The following PTK2 variants were observed in gnomAD, a reference collection of about 807,000 sequenced individuals.
PTK2 encodes focal adhesion kinase 1.
Under a neutral mutation model 150.1 loss-of-function variants are expected in PTK2, and 45 were observed. That is an observed-to-expected ratio of 0.30 (90% CI 0.24 to 0.38). The LOEUF (loss-of-function observed/expected upper bound fraction) is 0.38, where lower values mean the gene tolerates loss of function less well. Among genes scored for constraint, PTK2 ranks in the 10% least tolerant of loss-of-function variants. The pLI, the probability that PTK2 is intolerant of heterozygous loss-of-function variation, is 1.00. For missense variants in PTK2, 919 were observed against 1,307.3 expected, an observed-to-expected ratio of 0.70 and a Z score of 4.58; for synonymous variants, 432 against 449.2, an observed-to-expected ratio of 0.96 and a Z score of 0.48.
intron 4 of PTK2, among the ~76,000 whole-genome samples, chr8:140,872,217 G>C (rs1245703535): frequency 6.7e-6 from 1 of 150,052 alleles, no homozygotes; most frequent in Non-Finnish European, 1.5e-5. Flanking sequence ...GCTAATTTTT[G>C]TACTTTTGGT....
At chr8:140,798,069 C>T (rs530547343) in intron 12 of PTK2, among the ~76,000 whole-genome samples, 25 of 152,216 alleles carry the variant, frequency 1.6e-4, no homozygotes, top group African/African-American at 4.8e-4. Context: ...TACTGTCATG[C>T]TATGTTATGC....
intron 18 of PTK2, 24 bp downstream of exon 21, chr8:140,746,736 G>A: frequency 2.0e-6 from 3 of 1,536,364 alleles, no homozygotes; most frequent in Non-Finnish European, 1.8e-6. Context: ...GAGTCCAGAA[G>A]GTAAGATTTG....
chr8:140,702,847 C>T, intron 24 of PTK2, 140 bp from the exon 28 acceptor site: 5 of 949,272 alleles, frequency 5.3e-6, no homozygotes, highest in Non-Finnish European at 7.6e-6. Context: ...ATGTTCTAAT[C>T]CCTTGAACAT....
chr8:140,977,053 A>C (rs1199198963), intron 1 of PTK2, among the ~76,000 whole-genome samples: 5 of 152,256 alleles, frequency 3.3e-5, no homozygotes, highest in Admixed American at 6.5e-5. Context: ...TAGAATTTAC[A>C]AAATATGTCT....
chr8:140,911,369 A>C, intron 2 of PTK2, among the ~76,000 whole-genome samples: 1 of 152,108 alleles, frequency 6.6e-6, no homozygotes, highest in Non-Finnish European at 1.5e-5. Flanking sequence ...TCAATCTTAC[A>C]TTTTAGATTT....
At chr8:140,673,922 A>G (rs1366161006) in intron 29 of PTK2, among the ~76,000 whole-genome samples, 1 of 152,172 alleles carries the variant, frequency 6.6e-6, no homozygotes, top group East Asian at 1.9e-4. Flanking sequence ...AACTCCTACA[A>G]AAAGTCCTCA....
At chr8:140,860,933 T>C (rs1197750565) in intron 5 of PTK2, among the ~76,000 whole-genome samples, 2 of 152,248 alleles carry the variant, frequency 1.3e-5, no homozygotes, top group Non-Finnish European at 2.9e-5. Context: ...GACTATACTT[T>C]CTTTTAAAAT....
intron 14 of PTK2, among the ~76,000 whole-genome samples, chr8:140,765,603 G>A (rs1179765706): frequency 1.2e-4 from 18 of 151,988 alleles, no homozygotes; most frequent in Admixed American, 2.0e-4. Context: ...ATTCTTATAC[G>A]TTTATAAGAA....
intron 5 of PTK2, among the ~76,000 whole-genome samples, chr8:140,856,603 A>G (rs2100132801): frequency 6.6e-6 from 1 of 152,196 alleles, no homozygotes; most frequent in Non-Finnish European, 1.5e-5. Context: ...CACAGGAGCA[A>G]TGGTTGCTTG....
intron 17 of PTK2, among the ~76,000 whole-genome samples, chr8:140,751,653 G>A (rs751880029): frequency 3.9e-5 from 6 of 151,932 alleles, no homozygotes; most frequent in African/African-American, 9.7e-5. Flanking sequence ...CACTATGCAC[G>A]GCTAATTTTT....
intron 26 of PTK2, among the ~76,000 whole-genome samples, chr8:140,693,587 A>T (rs1301088463): frequency 1.0e-4 from 15 of 144,988 alleles, no homozygotes; most frequent in Admixed American, 6.8e-4. Context: ...AAAAAAAAAA[A>T]AAAAAAAAAA....
At chr8:140,794,191 A>G (rs1206148086) in intron 12 of PTK2, among the ~76,000 whole-genome samples, 1 of 152,196 alleles carries the variant, frequency 6.6e-6, no homozygotes, top group Non-Finnish European at 1.5e-5. Context: ...CAATTCATCA[A>G]TCAAGCAAGT....
At chr8:140,659,840 C>A (rs1588607646) in intron 31 of PTK2, among the ~76,000 whole-genome samples, 162 bp from the exon 36 acceptor site, 2 of 152,290 alleles carry the variant, frequency 1.3e-5, no homozygotes, top group Admixed American at 6.5e-5. Flanking sequence ...CAGGCACATG[C>A]CACCAAGCCC....
intron 1 of PTK2, among the ~76,000 whole-genome samples, chr8:140,934,207 G>T (rs966465181): frequency 1.3e-5 from 2 of 152,082 alleles, no homozygotes; most frequent in African/African-American, 4.8e-5. Context: ...ATAAACCCTT[G>T]GCTTTCCCCT....
chr8:140,879,271 T>C (rs757877352), intron 4 of PTK2, 200 bp downstream of exon 4: 1 of 488,352 alleles, frequency 2.0e-6, no homozygotes. Context: ...TGGCTCAAAG[T>C]ATAATTAATA....
intron 31 of PTK2, 108 bp downstream of exon 35, chr8:140,664,807 GTC>G (rs2087743756): frequency 2.8e-6 from 3 of 1,075,996 alleles, no homozygotes; most frequent in Non-Finnish European, 2.8e-6. Flanking sequence ...GGCAGTTGAT[GTC>G]TCTGCTGGCC....
At chr8:140,732,504 T>C (rs2100050046) in intron 22 of PTK2, 1 of 519,198 alleles carries the variant, frequency 1.9e-6, no homozygotes, top group African/African-American at 2.0e-5. Context: ...ATTCAGTGCC[T>C]GGGTGACTCT....
At chr8:140,770,499 A>G (rs1291152219) in intron 14 of PTK2, among the ~76,000 whole-genome samples, 1 of 152,250 alleles carries the variant, frequency 6.6e-6, no homozygotes, top group African/African-American at 2.4e-5. Flanking sequence ...ACAGGCAAAC[A>G]AAAAATCTTG....
intron 1 of PTK2, among the ~76,000 whole-genome samples, chr8:140,965,706 G>A (rs988355369): frequency 6.6e-6 from 1 of 151,976 alleles, no homozygotes; most frequent in South Asian, 2.1e-4. Flanking sequence ...GCAAAACCCC[G>A]TCTCTACTAA....
Sources: allele counts gnomAD v4.1 joint callset (sites outside exome capture counted in the v4.1 genomes callset), GRCh38; gene constraint gnomAD v4.1.1; transcripts MANE v1.5; gene names NCBI Gene and HGNC (gene_info 2026-07-23, HGNC 2026-07-21).